Variants in TMTC2 observed in about 807,000 individuals in gnomAD.
TMTC2 encodes transmembrane O-mannosyltransferase targeting cadherins 2.
TMTC2 carries 43 observed loss-of-function variants against 82.4 expected under a neutral mutation model. The observed-to-expected ratio is 0.52, with a 90% CI of 0.41 to 0.67. The LOEUF (loss-of-function observed/expected upper bound fraction) is 0.67, where lower values mean the gene tolerates loss of function less well. Among genes scored for constraint, TMTC2 ranks in the 30% least tolerant of loss-of-function variants. The pLI, the probability that TMTC2 is intolerant of heterozygous loss-of-function variation, is 0.00. For synonymous variants in TMTC2, 408 were observed against 381.9 expected (o/e 1.07, Z -0.80); for missense variants, 919 against 1,012.4 (o/e 0.91, Z 1.25).
At chr12:83,124,845 A>G (rs1885057753) in intron 11 of TMTC2, among the ~76,000 whole-genome samples, 1 of 152,148 alleles carries the variant, frequency 6.6e-6, no homozygotes, top group African/African-American at 2.4e-5. Context: ...ATTAGGTGGG[A>G]GATAGATTGG....
intron 8 of TMTC2, among the ~76,000 whole-genome samples, chr12:83,019,659 G>A (rs1451167769): frequency 6.6e-6 from 1 of 152,026 alleles, no homozygotes; most frequent in Non-Finnish European, 1.5e-5. Context: ...CAAAAACTTA[G>A]GGTCACCCTT....
At chr12:83,039,978 A>C (rs996223290) in intron 9 of TMTC2, among the ~76,000 whole-genome samples, 1 of 152,230 alleles carries the variant, frequency 6.6e-6, no homozygotes, top group Non-Finnish European at 1.5e-5. Context: ...GCTTGGCATC[A>C]TGCTGGGCAC....
chr12:82,817,661 C>T (rs1868828324), intron 1 of TMTC2, among the ~76,000 whole-genome samples: 1 of 152,162 alleles, frequency 6.6e-6, no homozygotes, highest in African/African-American at 2.4e-5. Context: ...AACTTTGTCT[C>T]ATTCCTCAGT....
intron 1 of TMTC2, among the ~76,000 whole-genome samples, chr12:82,779,109 T>C (rs1187543612): frequency 6.6e-6 from 1 of 151,048 alleles, no homozygotes; most frequent in Non-Finnish European, 1.5e-5. Flanking sequence ...CAAACAATAG[T>C]GGCAGAGGAG....
chr12:82,954,380 C>T (rs1877507492), intron 4 of TMTC2, among the ~76,000 whole-genome samples: 1 of 152,152 alleles, frequency 6.6e-6, no homozygotes, highest in Admixed American at 6.5e-5. Context: ...CCTCTCTACA[C>T]AGTATTGTGA....
chr12:82,831,769 C>T (rs1451010920), intron 1 of TMTC2, among the ~76,000 whole-genome samples: 1 of 152,104 alleles, frequency 6.6e-6, no homozygotes, highest in African/African-American at 2.4e-5. Context: ...TCAAACAGGT[C>T]GTGGCACTGC....
chr12:83,032,498 C>T (rs1881480699), intron 9 of TMTC2, among the ~76,000 whole-genome samples: 1 of 151,270 alleles, frequency 6.6e-6, no homozygotes, highest in Non-Finnish European at 1.5e-5. Context: ...GGGTATTTCT[C>T]CCATGAAAAA....
chr12:82,695,865 C>T (rs1731000263), intron 1 of TMTC2, among the ~76,000 whole-genome samples: 1 of 152,166 alleles, frequency 6.6e-6, no homozygotes, highest in African/African-American at 2.4e-5. Flanking sequence ...TGAAATTAGC[C>T]TATAGTGGTT....
intron 1 of TMTC2, among the ~76,000 whole-genome samples, chr12:82,844,307 A>G (rs7313758): frequency 0.078 from 11,806 of 152,290 alleles, 592 homozygotes; most frequent in African/African-American, 0.13. Flanking sequence ...AAATGTGTAC[A>G]GCACATGCGT....
chr12:82,918,249 A>C (rs7956157), intron 3 of TMTC2, among the ~76,000 whole-genome samples: 27,061 of 152,174 alleles, frequency 0.18, 3,633 homozygotes, highest in African/African-American at 0.38. Flanking sequence ...TTCTTAGTAG[A>C]TATATTAAGC....
chr12:82,699,504 C>T (rs1349979021), intron 1 of TMTC2, among the ~76,000 whole-genome samples: 1 of 152,048 alleles, frequency 6.6e-6, no homozygotes, highest in Non-Finnish European at 1.5e-5. Context: ...ATTGACGACC[C>T]TTTTTCTTTT....
intron 1 of TMTC2, among the ~76,000 whole-genome samples, chr12:82,825,171 A>G (rs185276712): frequency 6.6e-6 from 1 of 152,282 alleles, no homozygotes; most frequent in Non-Finnish European, 1.5e-5. Flanking sequence ...TTCCTTCCAC[A>G]GAAGAGGTGA....
In TMTC2 at chr12:82,986,035, C is replaced by G; in HGVS notation, c.2059C>G (p.Leu687Val). ...TGCTCATCTCACCTATGGGAAGCTG[C>G]TAGCTCTAACAGTGAGTAACCGCCT... ...IPAHLTYGKL[L>V]ALTGRKSEAE... The change falls in exon 8 of 12, where the codon CTA becomes GTA. Residue 687 changes from leucine to valine, a missense_variant. Coordinates refer to ENST00000321196, the MANE Select transcript of TMTC2 (RefSeq NM_152588.3). 3.7e-6 allele frequency: 6 copies of G among 1,613,978 alleles called. No individual in the cohort carries two copies. Among genetic ancestry groups the G allele is most frequent in the Non-Finnish European group, 4.2e-6 (5 of 1,179,902 alleles).
intron 1 of TMTC2, among the ~76,000 whole-genome samples, chr12:82,711,046 C>A (rs1454534533): frequency 6.6e-6 from 1 of 152,114 alleles, no homozygotes; most frequent in Non-Finnish European, 1.5e-5. Context: ...TGAATTCTTT[C>A]CATACAACCC....
intron 4 of TMTC2, among the ~76,000 whole-genome samples, chr12:82,951,383 C>T (rs1450553761): frequency 6.6e-6 from 1 of 152,140 alleles, no homozygotes; most frequent in Non-Finnish European, 1.5e-5. Context: ...CTCCACTTCC[C>T]GGGTTCAAGC....
intron 3 of TMTC2, among the ~76,000 whole-genome samples, chr12:82,897,919 G>A (rs1873763797): frequency 6.6e-6 from 1 of 151,716 alleles, no homozygotes; most frequent in Non-Finnish European, 1.5e-5. Flanking sequence ...ATTAAAAGAA[G>A]GTGTAAAACT....
chr12:82,896,555 T>G lies in TMTC2; in HGVS notation c.1392T>G (p.Val464=). 1 of 1,614,176 alleles carries G rather than the reference T, an allele frequency of 6.2e-7. No individual in the cohort carries two copies. Among genetic ancestry groups the G allele is most frequent in the Non-Finnish European group, 8.5e-7 (1 of 1,180,038 alleles). ...LIFYATATLI[V]FYGLKTAIRN... ...TTTATGCTACAGCTACACTAATTGT[T>G]TTTTATGGACTCAAGACTGCGATCA... The change falls in exon 3 of 12, where the codon GTT becomes GTG. Residue 464 remains valine (V), a synonymous_variant. Transcript: ENST00000321196.
chr12:83,039,463 T>C (rs1226082905), intron 9 of TMTC2, among the ~76,000 whole-genome samples: 2 of 151,892 alleles, frequency 1.3e-5, no homozygotes, highest in Non-Finnish European at 2.9e-5. Flanking sequence ...ATTTGACAAA[T>C]ATATATTATA....
intron 1 of TMTC2, among the ~76,000 whole-genome samples, chr12:82,812,681 A>G (rs972200042): frequency 2.0e-5 from 3 of 152,036 alleles, no homozygotes; most frequent in Non-Finnish European, 2.9e-5. Context: ...AAATAATTAA[A>G]CACATTAGAT....
Sources: allele counts gnomAD v4.1 joint callset (sites outside exome capture counted in the v4.1 genomes callset), GRCh38; gene constraint gnomAD v4.1.1; transcripts MANE v1.5; gene names NCBI Gene and HGNC (gene_info 2026-07-23, HGNC 2026-07-21).